The following AUTS2 variants were observed in gnomAD, a reference collection of about 807,000 sequenced individuals.
The protein encoded by AUTS2 is activator of transcription and developmental regulator AUTS2.
A neutral mutation model predicts 112.4 loss-of-function variants in AUTS2; 17 were observed. The ratio of observed to expected loss-of-function variants is 0.15; its 90% CI spans 0.10 to 0.23. The LOEUF is 0.23. AUTS2 is among the 10% of genes least tolerant of loss of function. The pLI, the probability that AUTS2 is intolerant of heterozygous loss-of-function variation, is 1.00. For synonymous variants in AUTS2, 751 were observed against 702.7 expected (o/e 1.07, Z -1.09); for missense variants, 1,510 against 1,701.6 (o/e 0.89, Z 1.98).
At chr7:69,616,527 T>C (rs1173807163) in intron 1 of AUTS2, among the ~76,000 whole-genome samples, 1 of 152,186 alleles carries the variant, frequency 6.6e-6, no homozygotes, top group Non-Finnish European at 1.5e-5. Context: ...CCCCCACAAC[T>C]AGATAGGTTT....
At chr7:70,738,917 A>G (rs1469142976) in intron 6 of AUTS2, among the ~76,000 whole-genome samples, 3 of 149,622 alleles carry the variant, frequency 2.0e-5, no homozygotes, top group Non-Finnish European at 1.5e-5. Flanking sequence ...AAACCCTCCC[A>G]TCCCCCACTT....
At chr7:70,263,479 T>C (rs1235088156) in intron 4 of AUTS2, among the ~76,000 whole-genome samples, 1 of 152,232 alleles carries the variant, frequency 6.6e-6, no homozygotes, top group Non-Finnish European at 1.5e-5. Context: ...TTCTGCTAGA[T>C]GCATTATAAT....
intron 4 of AUTS2, among the ~76,000 whole-genome samples, chr7:70,434,981 A>G (rs1439311231): frequency 6.6e-6 from 1 of 152,134 alleles, no homozygotes; most frequent in African/African-American, 2.4e-5. Context: ...GAGGATCCCA[A>G]AGACTGGGGT....
At chr7:70,529,595 G>C (rs1415503193) in intron 5 of AUTS2, among the ~76,000 whole-genome samples, 1 of 152,180 alleles carries the variant, frequency 6.6e-6, no homozygotes, top group Non-Finnish European at 1.5e-5. Context: ...ACTTGAAAAG[G>C]CTCCTGCCTT....
chr7:70,183,833 CTTTTTTT>C (rs60689973), intron 4 of AUTS2, among the ~76,000 whole-genome samples: 12 of 137,956 alleles, frequency 8.7e-5, no homozygotes, highest in African/African-American at 1.9e-4. Context: ...CTGTCTTTTT[CTTTTTTT>C]TTTTTTTTTG....
intron 4 of AUTS2, among the ~76,000 whole-genome samples, chr7:70,234,762 A>G (rs1812232477): frequency 6.6e-6 from 1 of 152,162 alleles, no homozygotes; most frequent in Non-Finnish European, 1.5e-5. Context: ...TAAACGTTGA[A>G]TCCCGTGAAT....
intron 5 of AUTS2, among the ~76,000 whole-genome samples, chr7:70,600,517 C>T (rs778761864): frequency 1.3e-5 from 2 of 152,210 alleles, no homozygotes; most frequent in African/African-American, 2.4e-5. Context: ...CTGAAGTGAT[C>T]TGCCCACCTC....
In AUTS2 at chr7:70,762,952, G is replaced by C. The variant is rs774709893; in HGVS notation, c.825G>C (p.Glu275Asp). 25 of 1,614,120 alleles carry C rather than the reference G, an allele frequency of 1.5e-5. No individual in the cohort carries two copies. In the South Asian group the frequency reaches 2.5e-4, roughly 16 times the overall value. ...GPIVPKISGL[E>D]RSQEKSQDCC... The stretch of plus-strand genomic sequence containing the variant: ...TTGTCCCCAAGATATCGGGTCTAGA[G>C]AGAAGCCAGGAGAAGAGCCAGGACT... The change falls in exon 7 of 19, where the codon GAG becomes GAC. Residue 275 changes from glutamate to aspartate, a missense_variant. By Grantham distance (45) the Glu-to-Asp change is conservative (BLOSUM62 2). This residue lies in a region of AUTS2 where 535 missense variants were observed against 594.3 expected (regional missense o/e 0.90). Transcript: ENST00000342771.
At chr7:69,800,060 G>C (rs1202147372) in intron 1 of AUTS2, among the ~76,000 whole-genome samples, 1 of 152,192 alleles carries the variant, frequency 6.6e-6, no homozygotes, top group African/African-American at 2.4e-5. Flanking sequence ...TGTATGTAAG[G>C]ATAGATCAGT....
At chr7:69,650,181 G>A (rs1795228950) in intron 1 of AUTS2, among the ~76,000 whole-genome samples, 1 of 152,172 alleles carries the variant, frequency 6.6e-6, no homozygotes, top group African/African-American at 2.4e-5. Flanking sequence ...CTAAAATTGT[G>A]CTCTGATGGC....
intron 4 of AUTS2, among the ~76,000 whole-genome samples, chr7:70,227,007 C>T (rs1001056159): frequency 6.6e-6 from 1 of 152,036 alleles, no homozygotes; most frequent in Non-Finnish European, 1.5e-5. Context: ...AGGTAGTTTC[C>T]TGGGATTTTT....
intron 2 of AUTS2, among the ~76,000 whole-genome samples, chr7:70,041,551 T>C (rs963862414): frequency 1.3e-5 from 2 of 152,232 alleles, no homozygotes; most frequent in African/African-American, 2.4e-5. Context: ...ATGTTTCATC[T>C]TAGCTTATCT....
At chr7:70,212,704 G>A (rs903078793) in intron 4 of AUTS2, among the ~76,000 whole-genome samples, 2 of 150,702 alleles carry the variant, frequency 1.3e-5, no homozygotes, top group African/African-American at 2.4e-5. Flanking sequence ...AAAAAAAAAT[G>A]TATGTTGAAT....
At chr7:70,641,048 C>G (rs1429832739) in intron 5 of AUTS2, among the ~76,000 whole-genome samples, 1 of 152,204 alleles carries the variant, frequency 6.6e-6, no homozygotes, top group Non-Finnish European at 1.5e-5. Flanking sequence ...TAATCCCTCA[C>G]CCAGCTTCCA....
chr7:69,815,195 A>G (rs1790704684), intron 1 of AUTS2, among the ~76,000 whole-genome samples: 1 of 152,152 alleles, frequency 6.6e-6, no homozygotes, highest in African/African-American at 2.4e-5. Flanking sequence ...ATAGCTAGAA[A>G]ATGGATATAT....
intron 5 of AUTS2, among the ~76,000 whole-genome samples, chr7:70,452,675 A>G (rs1796582502): frequency 6.6e-6 from 1 of 152,130 alleles, no homozygotes; most frequent in Non-Finnish European, 1.5e-5. Context: ...TTAAAGAGGT[A>G]GAAGATCAGA....
intron 5 of AUTS2, among the ~76,000 whole-genome samples, chr7:70,518,845 A>G (rs1271074093): frequency 6.6e-6 from 1 of 152,100 alleles, no homozygotes; most frequent in African/African-American, 2.4e-5. Context: ...CTGGCATTAC[A>G]GGTGCACACC....
At chr7:70,729,019 G>A (rs10259549) in intron 6 of AUTS2, 4,114 of 363,724 alleles carry the variant, frequency 0.011, 141 homozygotes, top group African/African-American at 0.078. Context: ...CACCACCTCC[G>A]GGCAGGATTA....
At chr7:70,089,267 T>A (rs77625285) in intron 2 of AUTS2, among the ~76,000 whole-genome samples, 9 of 152,328 alleles carry the variant, frequency 5.9e-5, no homozygotes, top group Admixed American at 2.0e-4. Context: ...AGATTTTTTT[T>A]ATTTCTCCTT....
Sources: allele counts gnomAD v4.1 joint callset (sites outside exome capture counted in the v4.1 genomes callset), GRCh38; gene constraint gnomAD v4.1.1; regional missense constraint gnomAD v4.1.1; transcripts MANE v1.5; gene names NCBI Gene and HGNC (gene_info 2026-07-23, HGNC 2026-07-21).